RBAK: variants seen among roughly 807,000 people sequenced by gnomAD.
RBAK encodes the protein RB-associated KRAB zinc finger protein.
Under a neutral mutation model 65.8 loss-of-function variants are expected in RBAK, and 39 were observed. The observed-to-expected ratio is 0.59, with a 90% CI of 0.46 to 0.77. The LOEUF (loss-of-function observed/expected upper bound fraction) is 0.77, where lower values mean the gene tolerates loss of function less well. Ranked by LOEUF, RBAK falls within the 30% of genes least tolerant of loss-of-function variation. RBAK has a pLI of 0.00. For synonymous variants in RBAK, 343 were observed against 289.7 expected (o/e 1.18, Z -1.87); for missense variants, 884 against 855.1 (o/e 1.03, Z -0.42).
At position 5,057,565 on chromosome 7, in the gene RBAK, T is replaced by C. The variant is rs1249820969; in HGVS notation, c.143-119T>C. 1.9e-6 allele frequency: 3 copies of C among 1,586,556 alleles called. No individual in the cohort carries two copies. The African/African-American group carries it at 4.1e-5, about 21-fold the overall frequency. On this transcript the variant is annotated intron_variant, in intron 3 of 4. Coordinates refer to ENST00000396912, the MANE Select transcript of RBAK (RefSeq NM_021163.4). ...ATTATTCATTGAAAGGTTCTAACTT[T>C]GATAAGGTAAAAAATGGAGCACTTC...
At chr7:5,047,950 C>A (rs1788030621) in intron 1 of RBAK, 83 bp from the exon 2 acceptor site, 2 of 677,434 alleles carry the variant, frequency 3.0e-6, no homozygotes, top group South Asian at 3.9e-5. Flanking sequence ...ATTGAGCTTT[C>A]TTTTGTGGTT....
intron 2 of RBAK, among the ~76,000 whole-genome samples, chr7:5,052,824 A>C (rs374580949): frequency 6.6e-6 from 1 of 152,082 alleles, no homozygotes; most frequent in Non-Finnish European, 1.5e-5. Context: ...CAGGGGTGCG[A>C]TCTTGGCTCA....
In RBAK at chr7:5,068,135, C is replaced by T. The variant is rs972939977; in HGVS notation, c.*2534C>T. 8 of 152,020 alleles carry T rather than the reference C, an allele frequency of 5.3e-5. No homozygotes were observed. The highest frequency in any genetic ancestry group is 8.8e-5 in the Non-Finnish European group (6 of 67,998). The allele number at this position is 152,020 out of a possible 1,614,324, so 9.4% of individuals were successfully genotyped here. On this transcript the variant is annotated 3_prime_UTR_variant, in exon 5 of 5. Coordinates refer to ENST00000396912, the MANE Select transcript of RBAK (RefSeq NM_021163.4). Reference sequence around the variant, plus strand: ...CAGTTCATGTATGTGACAACAGCACCGAGTATAGCAGAAGTGTTGGCAAAC... The same window carrying T: ...CAGTTCATGTATGTGACAACAGCACTGAGTATAGCAGAAGTGTTGGCAAAC...
chr7:5,057,731 G>C lies in RBAK; in HGVS notation c.190G>C (p.Glu64Gln). ...PNVIIKLEQG[E>Q]EPWIMGGEFP... is the part of the protein sequence containing the mutation. ...CGTCATCATTAAGTTGGAGCAGGGA[G>C]AGGAGCCGTGGATAATGGGAGGTGA... The change falls in exon 4 of 5, where the codon GAG (glutamate) becomes CAG (glutamine). Residue 64 changes from glutamate to glutamine, a missense_variant. Transcript: ENST00000396912. 6.2e-7 allele frequency: 1 copy of C among 1,613,970 alleles called. No individual in the cohort carries two copies. The highest frequency in any genetic ancestry group is 2.2e-5 in the East Asian group (1 of 44,880).
At chr7:5,061,998 G>C (rs1323109807) in intron 4 of RBAK, among the ~76,000 whole-genome samples, 1 of 152,052 alleles carries the variant, frequency 6.6e-6, no homozygotes, top group African/African-American at 2.4e-5. Context: ...AATCCTCTCT[G>C]TAAACGTGAG....
intron 4 of RBAK, among the ~76,000 whole-genome samples, chr7:5,058,873 G>C (rs1457902301): frequency 6.6e-6 from 1 of 152,098 alleles, no homozygotes; most frequent in Non-Finnish European, 1.5e-5. Flanking sequence ...CACCTTCTAA[G>C]ACCTTTTTTC....
chr7:5,054,579 A>G (rs60005623), intron 2 of RBAK, among the ~76,000 whole-genome samples: 1 of 151,732 alleles, frequency 6.6e-6, no homozygotes, highest in African/African-American at 2.4e-5. Context: ...GTCTCTCTCT[A>G]TATATATTTT....
rs1348320103 is a variant in RBAK at position 5,069,215 on chromosome 7, G to C, written c.*3614G>C. 1 of 152,154 alleles carries C rather than the reference G, an allele frequency of 6.6e-6. No homozygotes were observed. The highest frequency in any genetic ancestry group is 1.5e-5 in the Non-Finnish European group (1 of 68,034). The allele number at this position is 152,154 out of a possible 1,614,324, so 9.4% of individuals were successfully genotyped here. A position where few individuals can be genotyped will look rare whatever the true frequency, so the allele number is the denominator to read the frequency against. On this transcript the variant is annotated 3_prime_UTR_variant, in exon 5 of 5. Transcript: ENST00000396912. The stretch of plus-strand genomic sequence containing the variant: ...TCATCACTCTAATCATATTTTTCTA[G>C]ATGTGTATGAATATGCTGCACAACA...
In RBAK at chr7:5,064,532, A is replaced by G. The variant is rs1274041115; in HGVS notation, c.1076A>G (p.His359Arg). 1.2e-6 allele frequency: 2 copies of G among 1,613,752 alleles called. No homozygotes were observed. The highest frequency in any genetic ancestry group is 2.2e-5 in the East Asian group (1 of 44,868). ...ECGKTFCQKT[H>R]LTLHQRNHSG... ...GGGAAAACCTTCTGCCAAAAGACAC[A>G]TCTCACCCTGCACCAGAGGAATCAT... The change falls in exon 5 of 5, where the codon CAT (histidine) becomes CGT (arginine). Residue 359 changes from histidine to arginine, a missense_variant. Physicochemically the swap from His to Arg is conservative, Grantham distance 29. Transcript: ENST00000396912. The surrounding 1 kb of genome is among the most constrained non-coding windows in gnomAD (Gnocchi z 6.3).
intron 2 of RBAK, among the ~76,000 whole-genome samples, chr7:5,054,502 C>T (rs1788182609): frequency 6.6e-6 from 1 of 151,616 alleles, no homozygotes; most frequent in Admixed American, 6.6e-5. Flanking sequence ...TTGTTATGTG[C>T]CATTTCAGGT....
At chr7:5,051,268 T>G (rs532194142) in intron 2 of RBAK, among the ~76,000 whole-genome samples, 1 of 152,322 alleles carries the variant, frequency 6.6e-6, no homozygotes, top group African/African-American at 2.4e-5. Flanking sequence ...GCTACTTCCT[T>G]TTGTTCAGAT....
chr7:5,052,608 G>A (rs1026364172), intron 2 of RBAK, among the ~76,000 whole-genome samples: 2 of 152,074 alleles, frequency 1.3e-5, no homozygotes, highest in African/African-American at 4.8e-5. Context: ...ATTTTTCTTA[G>A]AGTAAGAGAA....
At chr7:5,062,280 G>A (rs377103485) in intron 4 of RBAK, among the ~76,000 whole-genome samples, 103 of 152,160 alleles carry the variant, frequency 6.8e-4, no homozygotes, top group African/African-American at 2.0e-3. Context: ...CCTAAGCATC[G>A]GCTGGTTTGA....
intron 2 of RBAK, among the ~76,000 whole-genome samples, chr7:5,053,698 C>G (rs1482078719): frequency 6.6e-6 from 1 of 152,148 alleles, no homozygotes; most frequent in East Asian, 1.9e-4. Context: ...CTGTTGCTGT[C>G]TTTATATTCA....
intron 2 of RBAK, among the ~76,000 whole-genome samples, chr7:5,053,817 C>T (rs543620620): frequency 2.4e-4 from 36 of 152,236 alleles, no homozygotes; most frequent in Non-Finnish European, 4.6e-4. Flanking sequence ...TTACATCTTG[C>T]CTGTCTCAAT....
At chr7:5,054,419 A>C (rs1294557813) in intron 2 of RBAK, among the ~76,000 whole-genome samples, 2 of 151,798 alleles carry the variant, frequency 1.3e-5, no homozygotes, top group Middle Eastern at 3.2e-3. Flanking sequence ...AAAAAAAAAA[A>C]AAACCATTGC....
chr7:5,066,814 A>C lies in RBAK; in HGVS notation c.*1213A>C, dbSNP rs1237243106. On this transcript the variant is annotated 3_prime_UTR_variant, in exon 5 of 5. Transcript: ENST00000396912. ...ATTCTCTTTGCCAGTAACTTGTTTT[A>C]TAGTGGTCATATGACCTGATACTGG... The C allele has an allele frequency of 6.6e-6, 1 of 152,192 alleles. No homozygotes were observed. The highest frequency in any genetic ancestry group is 6.5e-5 in the Admixed American group (1 of 15,276). 9.4% of individuals were successfully genotyped at this position (152,192 alleles called of 1,614,324 possible).
At chr7:5,047,601 CTTTTTTTTTTTTTT>C (rs1037439035) in intron 1 of RBAK, among the ~76,000 whole-genome samples, 4 of 100,908 alleles carry the variant, frequency 4.0e-5, no homozygotes, top group Non-Finnish European at 8.0e-5. Flanking sequence ...TTTTCACTCT[CTTTTTTTTTTTTTT>C]TTTTTTTTTT....
chr7:5,067,779 G>A lies in RBAK; in HGVS notation c.*2178G>A, dbSNP rs1399170853. On this transcript the variant is annotated 3_prime_UTR_variant, in exon 5 of 5. Transcript: ENST00000396912. Reference sequence around the variant, plus strand: ...TACAGATTCAAAAGTAGACCCACGTGTATACCATCACCTGAGTTTTGAGAA... The same window carrying A: ...TACAGATTCAAAAGTAGACCCACGTATATACCATCACCTGAGTTTTGAGAA... 6.6e-6 allele frequency: 1 copy of A among 152,190 alleles called. No individual in the cohort carries two copies. The highest frequency in any genetic ancestry group is 2.4e-5 in the African/African-American group (1 of 41,458). 9.4% of individuals were successfully genotyped at this position (152,190 alleles called of 1,614,324 possible). A position where few individuals can be genotyped will look rare whatever the true frequency, so the allele number is the denominator to read the frequency against.
Sources: gnomAD v4.1 joint callset for allele counts (sites outside exome capture counted in the v4.1 genomes callset) on GRCh38, gnomAD v4.1.1 for gene constraint, Gnocchi (gnomAD v3.1) non-coding constraint, MANE v1.5 for transcripts, NCBI Gene and HGNC (gene_info 2026-07-23, HGNC 2026-07-21) for gene names.